The following ADAMTS6 variants were observed in gnomAD, a reference collection of about 807,000 sequenced individuals.
ADAMTS6 encodes the protein A disintegrin and metalloproteinase with thrombospondin motifs 6.
A neutral mutation model predicts 144.3 loss-of-function variants in ADAMTS6; 23 were observed. That is an observed-to-expected ratio of 0.16 (90% CI 0.11 to 0.23). ADAMTS6 has a LOEUF of 0.23. ADAMTS6 is among the 10% of genes least tolerant of loss of function. The pLI, the probability that ADAMTS6 is intolerant of heterozygous loss-of-function variation, is 1.00. For synonymous variants in ADAMTS6, 444 were observed against 457.5 expected (o/e 0.97, Z 0.38); for missense variants, 999 against 1,379.6 (o/e 0.72, Z 4.37).
chr5:65,279,961 G>A (rs1580279249), intron 11 of ADAMTS6, among the ~76,000 whole-genome samples: 3 of 152,198 alleles, frequency 2.0e-5, no homozygotes, highest in African/African-American at 7.2e-5. Context: ...TGTGCCTCTT[G>A]AATTGTAGAA....
intron 15 of ADAMTS6, among the ~76,000 whole-genome samples, chr5:65,235,844 A>C (rs1758631427): frequency 6.6e-6 from 1 of 152,202 alleles, no homozygotes; most frequent in Non-Finnish European, 1.5e-5. Context: ...AATTCCAGAA[A>C]GAATTTAAAA....
At chr5:65,330,023 T>A (rs949538691) in intron 8 of ADAMTS6, among the ~76,000 whole-genome samples, 1 of 151,954 alleles carries the variant, frequency 6.6e-6, no homozygotes, top group African/African-American at 2.4e-5. Flanking sequence ...GTTTTTGCAT[T>A]TTTTTTAATC....
chr5:65,261,166 A>G (rs1278956731), intron 13 of ADAMTS6, among the ~76,000 whole-genome samples: 1 of 152,180 alleles, frequency 6.6e-6, no homozygotes, highest in East Asian at 1.9e-4. Flanking sequence ...TAATGCAAAA[A>G]CAAATTTCCA....
intron 21 of ADAMTS6, among the ~76,000 whole-genome samples, chr5:65,189,700 T>C (rs1051379579): frequency 3.3e-5 from 5 of 152,212 alleles, no homozygotes; most frequent in Non-Finnish European, 5.9e-5. Flanking sequence ...CTTTGTTTTA[T>C]AGAAGAAAGT....
intron 7 of ADAMTS6, among the ~76,000 whole-genome samples, chr5:65,383,090 T>C (rs1336759639): frequency 6.6e-6 from 1 of 152,150 alleles, no homozygotes; most frequent in Non-Finnish European, 1.5e-5. Context: ...TCCTGAAGGC[T>C]CAACATCTTA....
At chr5:65,417,163 CT>C (rs1289661536) in intron 7 of ADAMTS6, among the ~76,000 whole-genome samples, 1 of 152,132 alleles carries the variant, frequency 6.6e-6, no homozygotes, top group African/African-American at 2.4e-5. Flanking sequence ...AAAAAGCTTT[CT>C]ATAAAATCCA....
intron 7 of ADAMTS6, among the ~76,000 whole-genome samples, chr5:65,402,845 C>T (rs934754291): frequency 6.6e-6 from 1 of 152,050 alleles, no homozygotes; most frequent in Non-Finnish European, 1.5e-5. Flanking sequence ...AAAAGCAAAA[C>T]AAGATGAAAT....
At chr5:65,402,745 A>G (rs577956344) in intron 7 of ADAMTS6, among the ~76,000 whole-genome samples, 24 of 151,952 alleles carry the variant, frequency 1.6e-4, no homozygotes, top group Admixed American at 4.6e-4. Flanking sequence ...TCTTAAGGAC[A>G]CTGTTACTAC....
In ADAMTS6 at chr5:65,440,449, C is replaced by A. The variant is rs114714798; in HGVS notation, c.1073+11026G>T. ...ATGCCATGAAACAGAGTGGGGAAAA[C>A]AAAGTAGAGCCCAGTGGACTCTCTG... On this transcript the variant is annotated intron_variant, in intron 7 of 24. Transcript: ENST00000381055. Among the ~76,000 whole-genome samples, 444 of 152,198 alleles carry A rather than the reference C, an allele frequency of 2.9e-3. 2 individuals carry two copies. Among genetic ancestry groups the A allele is most frequent in the African/African-American group, 0.01 (424 of 41,532 alleles).
intron 3 of ADAMTS6, among the ~76,000 whole-genome samples, chr5:65,464,718 C>T (rs563502096): frequency 6.6e-6 from 1 of 152,318 alleles, no homozygotes; most frequent in African/African-American, 2.4e-5. Flanking sequence ...TTACCTTTTA[C>T]ACCATGCCCA....
chr5:65,460,167 C>A lies in ADAMTS6; in HGVS notation c.631+3G>T. The A allele has an allele frequency of 6.2e-7, 1 of 1,613,510 alleles. No homozygotes were observed. Among genetic ancestry groups the A allele is most frequent in the South Asian group, 1.1e-5 (1 of 90,904 alleles). On this transcript the variant is annotated splice_donor_region_variant and intron_variant, in intron 4 of 24. Coordinates refer to ENST00000381055, the MANE Select transcript of ADAMTS6 (RefSeq NM_197941.4). Reference sequence around the variant, plus strand: ...GCTTTGTAAAAGCTGCACACTCACTCACCCGAAACCCCACAATGAGAGTGA... The same window carrying A: ...GCTTTGTAAAAGCTGCACACTCACTAACCCGAAACCCCACAATGAGAGTGA...
chr5:65,382,039 A>G (rs2150136031), intron 7 of ADAMTS6, among the ~76,000 whole-genome samples: 1 of 152,320 alleles, frequency 6.6e-6, no homozygotes, highest in South Asian at 2.1e-4. Flanking sequence ...GCTCCCTTGG[A>G]CTATTTTTCT....
intron 9 of ADAMTS6, among the ~76,000 whole-genome samples, chr5:65,301,349 G>A (rs1300176961): frequency 6.6e-6 from 1 of 152,152 alleles, no homozygotes; most frequent in Non-Finnish European, 1.5e-5. Context: ...ATTCTAATAA[G>A]TGCACCATGA....
intron 7 of ADAMTS6, among the ~76,000 whole-genome samples, chr5:65,362,198 T>C (rs948979274): frequency 1.3e-5 from 2 of 152,196 alleles, no homozygotes; most frequent in Non-Finnish European, 2.9e-5. Context: ...GAGGCTGTGG[T>C]TGGCTGAAAA....
rs552074623 is a variant in ADAMTS6, at chr5:65,310,649, T to C, written c.1224-10518A>G. On this transcript the variant is annotated intron_variant, in intron 9 of 24. Transcript: ENST00000381055. ...AAATCATTGTCTGTGAAATGAAGAATAGTATATGACAATACTGTTGGCATT... is the reference window on the plus strand; with the variant it reads ...AAATCATTGTCTGTGAAATGAAGAACAGTATATGACAATACTGTTGGCATT... Among the ~76,000 whole-genome samples the C allele has an allele frequency of 5.3e-5, 8 of 152,350 alleles. No individual in the cohort carries two copies. In the South Asian group the frequency reaches 6.2e-4, roughly 12 times the overall value.
At chr5:65,429,973 T>A (rs915792158) in intron 7 of ADAMTS6, among the ~76,000 whole-genome samples, 1 of 152,132 alleles carries the variant, frequency 6.6e-6, no homozygotes, top group Non-Finnish European at 1.5e-5. Context: ...ATGAAGTTTT[T>A]AAAATTATAT....
chr5:65,361,660 C>G (rs1749831331), intron 7 of ADAMTS6, among the ~76,000 whole-genome samples: 1 of 152,146 alleles, frequency 6.6e-6, no homozygotes, highest in Admixed American at 6.5e-5. Context: ...AATAGTAAGT[C>G]AATGCATCAC....
chr5:65,406,164 C>T (rs1326135376), intron 7 of ADAMTS6, among the ~76,000 whole-genome samples: 3 of 152,118 alleles, frequency 2.0e-5, no homozygotes, highest in Admixed American at 6.5e-5. Context: ...ATTGCCCTGG[C>T]CAGAGCTTCC....
intron 23 of ADAMTS6, 130 bp downstream of exon 23, chr5:65,172,702 G>T: frequency 9.3e-7 from 1 of 1,076,608 alleles, no homozygotes; most frequent in Non-Finnish European, 1.3e-6. Flanking sequence ...TCACACTCAT[G>T]CCTCATACTT....
Sources: gnomAD v4.1 joint callset for allele counts (sites outside exome capture counted in the v4.1 genomes callset) on GRCh38, gnomAD v4.1.1 for gene constraint, MANE v1.5 for transcripts, NCBI Gene and HGNC (gene_info 2026-07-23, HGNC 2026-07-21) for gene names.